NAV3: variants seen among roughly 807,000 people sequenced by gnomAD.
NAV3 encodes the protein neuron navigator 3, also known as pore membrane and/or filament interacting like protein 1.
Under a neutral mutation model 244.7 loss-of-function variants are expected in NAV3, and 87 were observed. That is an observed-to-expected ratio of 0.36 (90% confidence interval 0.30 to 0.42). The LOEUF is 0.42. Among genes scored for constraint, NAV3 ranks in the 20% least tolerant of loss-of-function variants. The probability of loss-of-function intolerance (pLI) is 1.00; values close to 1 mark genes in which losing one functional copy is unlikely to be tolerated. For synonymous variants in NAV3, 1,126 were observed against 1,042.2 expected (o/e 1.08, Z -1.55); for missense variants, 2,663 against 2,893.3 (o/e 0.92, Z 1.83).
intron 2 of NAV3, among the ~76,000 whole-genome samples, chr12:77,671,822 A>G (rs1454979303): frequency 6.6e-6 from 1 of 152,138 alleles, no homozygotes; most frequent in Non-Finnish European, 1.5e-5. Flanking sequence ...ATAACGTCAG[A>G]AAAACCCTTC....
At chr12:77,726,493 G>C (rs963240067) in intron 2 of NAV3, among the ~76,000 whole-genome samples, 2 of 151,944 alleles carry the variant, frequency 1.3e-5, no homozygotes, top group South Asian at 4.2e-4. Flanking sequence ...GAAAGTAAGG[G>C]ATTAGTCAGA....
At chr12:77,645,269 AT>A (rs151191774) in intron 2 of NAV3, among the ~76,000 whole-genome samples, 20,978 of 150,550 alleles carry the variant, frequency 0.14, 2,742 homozygotes, top group African/African-American at 0.34. Flanking sequence ...AAATCTTATG[AT>A]TTTTTTTTTC....
intron 1 of NAV3, among the ~76,000 whole-genome samples, chr12:77,850,579 C>T (rs964990672): frequency 6.6e-6 from 1 of 152,132 alleles, no homozygotes; most frequent in African/African-American, 2.4e-5. Context: ...CTAAATTAAG[C>T]TATTTTCTTT....
chr12:78,210,434 T>G lies in NAV3; in HGVS notation c.7075T>G (p.Tyr2359Asp), dbSNP rs771578075. 1.4e-5 allele frequency: 23 copies of G among 1,613,704 alleles called. No individual in the cohort carries two copies. The highest frequency in any genetic ancestry group is 1.9e-5 in the Non-Finnish European group (23 of 1,179,846). The change falls in exon 40 of 40, where the codon TAC becomes GAC. Residue 2359 changes from tyrosine (Y) to aspartate (D), a missense_variant. Physicochemically the swap from Tyr to Asp is radical, Grantham distance 160 (BLOSUM62 -3). Transcript: ENST00000397909. Reference protein sequence around the residue: ...MLMKLQEAANYSSTQSCDSES... With the variant: ...MLMKLQEAANDSSTQSCDSES... ...AATGAAACTCCAAGAAGCAGCCAAT[T>G]ACTCGAGCACACAAAGCTGCGACAG... is the stretch of plus-strand genomic sequence containing the variant.
chr12:77,687,499 A>G (rs1435699457), intron 2 of NAV3, among the ~76,000 whole-genome samples: 1 of 152,112 alleles, frequency 6.6e-6, no homozygotes, highest in African/African-American at 2.4e-5. Context: ...GAATCTGTGG[A>G]CAATCCAGAG....
At chr12:78,157,221 C>G (rs1030774250) in intron 22 of NAV3, among the ~76,000 whole-genome samples, 30 of 151,928 alleles carry the variant, frequency 2.0e-4, no homozygotes, top group Non-Finnish European at 4.3e-4. Flanking sequence ...ATTTTGTTCA[C>G]TTTTATATAT....
intron 5 of NAV3, among the ~76,000 whole-genome samples, chr12:77,977,338 G>C (rs1868630348): frequency 6.6e-6 from 1 of 151,936 alleles, no homozygotes; most frequent in Non-Finnish European, 1.5e-5. Context: ...AATATAGGCA[G>C]GTCTTTCTAG....
At chr12:77,938,477 A>G (rs537656632) in intron 1 of NAV3, among the ~76,000 whole-genome samples, 4 of 152,286 alleles carry the variant, frequency 2.6e-5, no homozygotes, top group East Asian at 3.9e-4. Flanking sequence ...TTCTTATGCA[A>G]TGGGATGCTT....
chr12:77,750,733 G>A (rs1868807243), intron 2 of NAV3, among the ~76,000 whole-genome samples: 1 of 152,222 alleles, frequency 6.6e-6, no homozygotes, highest in East Asian at 1.9e-4. Context: ...TGATACAATA[G>A]CATATGGCAA....
At chr12:77,979,014 T>C (rs1869030465) in intron 5 of NAV3, among the ~76,000 whole-genome samples, 1 of 151,714 alleles carries the variant, frequency 6.6e-6, no homozygotes, top group Non-Finnish European at 1.5e-5. Context: ...ATTTTTCAAA[T>C]TACTTATAAT....
intron 2 of NAV3, among the ~76,000 whole-genome samples, chr12:77,608,911 T>A (rs1334113000): frequency 6.6e-6 from 1 of 152,014 alleles, no homozygotes; most frequent in Non-Finnish European, 1.5e-5. Context: ...TTGGCCTCAG[T>A]TTCCCCATTT....
At chr12:77,636,338 C>A (rs746035191) in intron 2 of NAV3, among the ~76,000 whole-genome samples, 1 of 151,654 alleles carries the variant, frequency 6.6e-6, no homozygotes, top group Non-Finnish European at 1.5e-5. Flanking sequence ...TGGTGGTGGG[C>A]GCCTGTAGTC....
At position 78,102,874 on chromosome 12, in the gene NAV3, G is replaced by A. The variant is rs1187846841; in HGVS notation, c.2637-13898G>A. ...GGGACACAGGGCACCAAGTCTCTAG[G>A]CTGCACACAGTATGGGCACCCTGGG... On this transcript the variant is annotated intron_variant, in intron 12 of 39. Coordinates refer to ENST00000397909, the MANE Select transcript of NAV3 (RefSeq NM_001024383.2). Among the ~76,000 whole-genome samples, 3 of 152,232 alleles carry A rather than the reference G, an allele frequency of 2.0e-5. No homozygotes were observed. The East Asian group carries it at 5.8e-4, about 30-fold the overall frequency.
chr12:77,792,628 G>A (rs1057054520), intron 2 of NAV3, among the ~76,000 whole-genome samples: 2 of 152,162 alleles, frequency 1.3e-5, no homozygotes, highest in Non-Finnish European at 2.9e-5. Flanking sequence ...GGCAATTTTG[G>A]TTCAAGTACT....
intron 2 of NAV3, among the ~76,000 whole-genome samples, chr12:77,749,516 A>C (rs1191595473): frequency 6.6e-6 from 1 of 152,220 alleles, no homozygotes; most frequent in Non-Finnish European, 1.5e-5. Flanking sequence ...TATGGGACTG[A>C]ATTTAAATGT....
At chr12:77,903,659 TA>T (rs1885590892) in intron 1 of NAV3, among the ~76,000 whole-genome samples, 1 of 152,066 alleles carries the variant, frequency 6.6e-6, no homozygotes, top group Admixed American at 6.6e-5. Flanking sequence ...CTAATTAAAC[TA>T]AAGAGCTTCT....
intron 28 of NAV3, 75 bp from the exon 29 acceptor site, chr12:78,179,454 C>G (rs1958406438): frequency 1.9e-6 from 3 of 1,562,672 alleles, no homozygotes; most frequent in East Asian, 4.5e-5. Context: ...TGCAGTGCAG[C>G]CTTTAAAAGA....
At chr12:77,593,802 GATTT>G (rs1870037232) in intron 2 of NAV3, among the ~76,000 whole-genome samples, 2 of 151,630 alleles carry the variant, frequency 1.3e-5, no homozygotes, top group Non-Finnish European at 2.9e-5. Context: ...GAGGAGGAGA[GATTT>G]ATTTTAGATG....
rs535626279 is a variant in NAV3 at position 77,867,560 on chromosome 12, C to A, written c.243+35856C>A. Among the ~76,000 whole-genome samples, 240 of 152,180 alleles carry A rather than the reference C, an allele frequency of 1.6e-3. 1 individual carries two copies. Among genetic ancestry groups the A allele is most frequent in the African/African-American group, 5.5e-3 (228 of 41,524 alleles). On this transcript the variant is annotated intron_variant, in intron 1 of 39. Coordinates refer to ENST00000397909, the MANE Select transcript of NAV3 (RefSeq NM_001024383.2). ...TCAGCCTCCCAAGTAGCTGGGACTA[C>A]AAGCGCCCGCCACCACGCCCGGCTA... is the stretch of plus-strand genomic sequence containing the variant.
Sources: allele counts gnomAD v4.1 joint callset (sites outside exome capture counted in the v4.1 genomes callset), GRCh38; gene constraint gnomAD v4.1.1; transcripts MANE v1.5; gene names NCBI Gene and HGNC (gene_info 2026-07-23, HGNC 2026-07-21).